Variants in ADGRB3 observed in about 807,000 individuals in gnomAD.
The protein encoded by ADGRB3 is brain-specific angiogenesis inhibitor 3.
Under a neutral mutation model 193.4 loss-of-function variants are expected in ADGRB3, and 37 were observed. The ratio of observed to expected loss-of-function variants is 0.19; its 90% CI spans 0.15 to 0.25. The LOEUF (loss-of-function observed/expected upper bound fraction) is 0.25. Ranked by LOEUF, ADGRB3 falls within the 10% of genes least tolerant of loss-of-function variation. The probability of loss-of-function intolerance (pLI) is 1.00; values close to 1 mark genes in which losing one functional copy is unlikely to be tolerated. For synonymous variants in ADGRB3, 690 were observed against 644.2 expected (o/e 1.07, Z -1.08); for missense variants, 1,637 against 1,852.9 (o/e 0.88, Z 2.14).
intron 20 of ADGRB3, among the ~76,000 whole-genome samples, chr6:69,290,475 TAGAG>T (rs1306236593): frequency 7.4e-5 from 11 of 148,436 alleles, no homozygotes; most frequent in Admixed American, 6.7e-4. Context: ...GAGAGAGAAA[TAGAG>T]AGAGAAACAT....
chr6:69,194,072 G>A (rs1210623162), intron 17 of ADGRB3, among the ~76,000 whole-genome samples: 3 of 151,822 alleles, frequency 2.0e-5, no homozygotes, highest in Non-Finnish European at 2.9e-5. Context: ...AAACTAGTGA[G>A]TTCCATTTCA....
intron 3 of ADGRB3, among the ~76,000 whole-genome samples, chr6:68,744,465 T>G (rs1395285821): frequency 6.6e-6 from 1 of 152,100 alleles, no homozygotes; most frequent in African/African-American, 2.4e-5. Flanking sequence ...CTATTTACAA[T>G]AGCAAAGACT....
chr6:68,813,648 C>A (rs999370418), intron 3 of ADGRB3, among the ~76,000 whole-genome samples: 1 of 151,634 alleles, frequency 6.6e-6, no homozygotes, highest in Admixed American at 6.6e-5. Context: ...GTTGGTGTGC[C>A]GCACCCATTA....
chr6:69,355,017 A>T (rs928682406), intron 27 of ADGRB3, among the ~76,000 whole-genome samples: 3 of 152,202 alleles, frequency 2.0e-5, no homozygotes, highest in Non-Finnish European at 4.4e-5. Context: ...ACTTTTTTGA[A>T]CTAGGCAACA....
intron 13 of ADGRB3, 134 bp downstream of exon 13, chr6:69,018,633 T>A (rs1770166994): frequency 1.7e-6 from 1 of 593,638 alleles, no homozygotes; most frequent in Non-Finnish European, 2.9e-6. Context: ...TTTCTAATAC[T>A]TGGTATCTGA....
intron 17 of ADGRB3, among the ~76,000 whole-genome samples, chr6:69,149,870 C>T (rs1050424177): frequency 6.6e-6 from 1 of 151,974 alleles, no homozygotes; most frequent in Admixed American, 6.6e-5. Flanking sequence ...CTCTCTTCCC[C>T]TTACTTTCAC....
In ADGRB3 at chr6:69,217,768, G is replaced by A. The variant is rs1190633728; in HGVS notation, c.2481-15522G>A. Among the ~76,000 whole-genome samples the A allele has an allele frequency of 1.1e-4, 16 of 152,150 alleles. 1 individual carries two copies. Among genetic ancestry groups the A allele is most frequent in the Admixed American group, 1.0e-3 (16 of 15,274 alleles). On this transcript the variant is annotated intron_variant, in intron 17 of 31. Coordinates refer to ENST00000370598, the MANE Select transcript of ADGRB3 (RefSeq NM_001704.3). ...ATTTGCTTCTCTTCACAGCCCCTTT[G>A]GCAGTCAGATTGAAGAGCCTTCTGT...
intron 20 of ADGRB3, among the ~76,000 whole-genome samples, chr6:69,248,690 A>G (rs181021184): frequency 1.3e-5 from 2 of 152,350 alleles, no homozygotes; most frequent in East Asian, 3.9e-4. Context: ...AAACAGTTAT[A>G]GAAATAAAGC....
intron 20 of ADGRB3, among the ~76,000 whole-genome samples, chr6:69,252,054 G>T (rs1766635511): frequency 6.6e-6 from 1 of 152,050 alleles, no homozygotes; most frequent in Admixed American, 6.6e-5. Context: ...CTTGTCTCCT[G>T]CCAGTCAATC....
At chr6:68,779,154 C>A (rs916648343) in intron 3 of ADGRB3, among the ~76,000 whole-genome samples, 1 of 151,568 alleles carries the variant, frequency 6.6e-6, no homozygotes, top group Admixed American at 6.6e-5. Context: ...ATAACAGAGG[C>A]ATGATACTGC....
intron 3 of ADGRB3, among the ~76,000 whole-genome samples, chr6:68,825,580 T>C (rs2127381839): frequency 6.6e-6 from 1 of 152,320 alleles, no homozygotes; most frequent in Middle Eastern, 3.4e-3. Context: ...AGATCTCATA[T>C]TGAATTGTAA....
At chr6:69,368,158 G>T (rs1158560750) in intron 29 of ADGRB3, among the ~76,000 whole-genome samples, 2 of 152,002 alleles carry the variant, frequency 1.3e-5, no homozygotes, top group South Asian at 2.1e-4. Flanking sequence ...TAAAAAAAAA[G>T]ATTGTCACAA....
At chr6:69,370,392 T>C in intron 29 of ADGRB3, among the ~76,000 whole-genome samples, 1 of 152,162 alleles carries the variant, frequency 6.6e-6, no homozygotes, top group East Asian at 1.9e-4. Flanking sequence ...GCTTTACTGC[T>C]TTATTTTGCA....
intron 3 of ADGRB3, among the ~76,000 whole-genome samples, chr6:68,716,818 A>C (rs1299119214): frequency 6.6e-6 from 1 of 151,720 alleles, no homozygotes; most frequent in Admixed American, 6.6e-5. Flanking sequence ...GAGAGTCTGC[A>C]TCCAGGCAAA....
intron 3 of ADGRB3, among the ~76,000 whole-genome samples, chr6:68,730,931 C>T (rs986605457): frequency 6.6e-6 from 1 of 151,536 alleles, no homozygotes; most frequent in African/African-American, 2.4e-5. Flanking sequence ...ATATCAAACA[C>T]TGGCTTTCAG....
At chr6:69,259,763 C>G (rs141366968) in intron 20 of ADGRB3, among the ~76,000 whole-genome samples, 1 of 150,250 alleles carries the variant, frequency 6.7e-6, no homozygotes, top group South Asian at 2.1e-4. Flanking sequence ...ATTCTCTATT[C>G]GCAATAAGAT....
chr6:68,810,681 A>G (rs1014417306), intron 3 of ADGRB3, among the ~76,000 whole-genome samples: 8 of 152,216 alleles, frequency 5.3e-5, no homozygotes, highest in African/African-American at 1.9e-4. Context: ...GTGGTGAGAT[A>G]GACAACAATT....
At chr6:68,943,731 T>G in intron 5 of ADGRB3, 99 bp from the exon 6 acceptor site, 3 of 960,724 alleles carry the variant, frequency 3.1e-6, no homozygotes, top group Middle Eastern at 3.7e-4. Context: ...TATCTTTACA[T>G]TTGTCTATTT....
intron 23 of ADGRB3, chr6:69,331,768 C>T (rs1768735896): frequency 3.0e-6 from 3 of 985,036 alleles, no homozygotes; most frequent in South Asian, 4.7e-5. Context: ...AATTGAAACA[C>T]CAAAGTATGG....
Sources: allele counts gnomAD v4.1 joint callset (sites outside exome capture counted in the v4.1 genomes callset), GRCh38; gene constraint gnomAD v4.1.1; transcripts MANE v1.5; gene names NCBI Gene and HGNC (gene_info 2026-07-23, HGNC 2026-07-21).